The following ARL14 variants were observed in gnomAD, a reference collection of about 807,000 sequenced individuals.
The protein encoded by ARL14 is ADP-ribosylation factor-like protein 14.
ARL14 carries 3 observed loss-of-function variants against 1.1 expected under a neutral mutation model. The observed-to-expected ratio is 2.82, with a 90% CI of 1.28 to 7.28. The LOEUF is 7.28. ARL14 is among the 30% of genes most tolerant of loss of function. The pLI, the probability that ARL14 is intolerant of heterozygous loss-of-function variation, is 0.01. For synonymous variants in ARL14, 99 were observed against 84.6 expected (o/e 1.17, Z -0.93); for missense variants, 264 against 223.8 (o/e 1.18, Z -1.15).
Position 160,677,297 on chromosome 3 carries a change from G to C in ARL14, c.-50G>C. On this transcript the variant is annotated 5_prime_UTR_variant, in exon 1 of 1. Coordinates refer to ENST00000320767, the MANE Select transcript of ARL14 (RefSeq NM_025047.3). ...GTCTCTGGCCATTCGAAGAAAGAAA[G>C]AAAGAAAAAAAAAAAAGGTATTTAG... 2.0e-6 allele frequency: 3 copies of C among 1,466,298 alleles called. No individual in the cohort carries two copies. The highest frequency in any genetic ancestry group is 2.7e-6 in the Non-Finnish European group (3 of 1,096,804). The allele number at this position is 1,466,298 out of a possible 1,614,324, so 90.8% of individuals were successfully genotyped here. A position where few individuals can be genotyped will look rare whatever the true frequency, so the allele number is the denominator to read the frequency against.
Position 160,678,305 on chromosome 3 carries a change from A to G in ARL14, c.*380A>G. The stretch of plus-strand genomic sequence containing the variant: ...TTCTTCCAGATTGTTTCCAGCTGTA[A>G]CAGGTATTGAATTTCCACCGTGCTC... On this transcript the variant is annotated 3_prime_UTR_variant, in exon 1 of 1. Coordinates refer to ENST00000320767, the MANE Select transcript of ARL14 (RefSeq NM_025047.3). The G allele has an allele frequency of 5.3e-6, 1 of 188,094 alleles. No individual in the cohort carries two copies. The highest frequency in any genetic ancestry group is 1.3e-5 in the Non-Finnish European group (1 of 79,774). 11.7% of individuals were successfully genotyped at this position (188,094 alleles called of 1,614,324 possible).
Position 160,677,350 on chromosome 3 carries a change from G to C in ARL14, c.4G>C (p.Gly2Arg). Residue 2 changes from glycine (G) to arginine (R), a missense_variant, in exon 1 of 1, where the codon GGT becomes CGT. Physicochemically the swap from Gly to Arg is moderately radical, Grantham distance 125. Transcript: ENST00000320767. ...ACAGAGAGAGAAAAAGGCTGAAATG[G>C]GTTCGCTGGGTTCTAAAAATCCGCA... M[G>R]SLGSKNPQTK... 6.4e-7 allele frequency: 1 copy of C among 1,570,518 alleles called. No individual in the cohort carries two copies. Among genetic ancestry groups the C allele is most frequent in the Non-Finnish European group, 8.6e-7 (1 of 1,160,380 alleles).
rs1369474880 is a variant in ARL14 at position 160,677,784 on chromosome 3, C to T, written c.438C>T (p.Cys146=). The change falls in exon 1 of 1, where the codon TGC becomes TGT. Residue 146 remains cysteine, a synonymous_variant. Coordinates refer to ENST00000320767, the MANE Select transcript of ARL14 (RefSeq NM_025047.3). ...GAATGTTCAAAGTGAAGAAGCTTTG[C>T]AGTGACCGGAACTGGTATGTGCAAC... ...ITRMFKVKKL[C]SDRNWYVQPC... 4 of 1,614,110 alleles carry T rather than the reference C, an allele frequency of 2.5e-6. No individual in the cohort carries two copies. The highest frequency in any genetic ancestry group is 2.5e-6 in the Non-Finnish European group (3 of 1,180,000).
Position 160,678,151 on chromosome 3 carries a change from A to G in ARL14, c.*226A>G. 3 of 473,364 alleles carry G rather than the reference A, an allele frequency of 6.3e-6. No individual in the cohort carries two copies. Among genetic ancestry groups the G allele is most frequent in the South Asian group, 6.2e-5 (2 of 32,022 alleles). 29.3% of individuals were successfully genotyped at this position (473,364 alleles called of 1,614,324 possible). On this transcript the variant is annotated 3_prime_UTR_variant, in exon 1 of 1. Transcript: ENST00000320767. ...ATGATCACTGGGAATGAAAACGTAT[A>G]ATGTTCTACAATTTTTGTTATCACA...
In ARL14 at chr3:160,677,814, C is replaced by T; in HGVS notation, c.468C>T (p.Cys156=). The change falls in exon 1 of 1, where the codon TGC becomes TGT. Residue 156 remains cysteine (C), a synonymous_variant. Coordinates refer to ENST00000320767, the MANE Select transcript of ARL14 (RefSeq NM_025047.3). ...CSDRNWYVQP[C]CALTGEGLAQ... is the part of the protein sequence containing the mutation. ...ACCGGAACTGGTATGTGCAACCCTG[C>T]TGTGCCCTCACAGGGGAGGGGCTGG... The T allele has an allele frequency of 6.2e-7, 1 of 1,614,100 alleles. No homozygotes were observed. The highest frequency in any genetic ancestry group is 1.1e-5 in the South Asian group (1 of 91,064).
chr3:160,677,603 T>C lies in ARL14; in HGVS notation c.257T>C (p.Val86Ala), dbSNP rs1713274026. The C allele has an allele frequency of 1.2e-6, 2 of 1,614,026 alleles. No homozygotes were observed. Among genetic ancestry groups the C allele is most frequent in the Non-Finnish European group, 1.7e-6 (2 of 1,179,998 alleles). The change falls in exon 1 of 1, where the codon GTG becomes GCG. Residue 86 changes from valine to alanine, a missense_variant. By Grantham distance (64) the Val-to-Ala change is moderately conservative. Transcript: ENST00000320767. ...GCYCENTDGLVYVVDSTDKQR... is the reference protein window; with the variant it reads ...GCYCENTDGLAYVVDSTDKQR... Reference sequence around the variant, plus strand: ...TACTGTGAGAACACCGATGGGCTGGTGTATGTTGTGGACAGTACAGACAAA... The same window carrying C: ...TACTGTGAGAACACCGATGGGCTGGCGTATGTTGTGGACAGTACAGACAAA...
Position 160,677,798 on chromosome 3 carries a change from G to C in ARL14, c.452G>C (p.Trp151Ser), listed in dbSNP as rs747897062. ...AAGAAGCTTTGCAGTGACCGGAACTGGTATGTGCAACCCTGCTGTGCCCTC... is the reference window on the plus strand; with the variant it reads ...AAGAAGCTTTGCAGTGACCGGAACTCGTATGTGCAACCCTGCTGTGCCCTC... ...KVKKLCSDRN[W>S]YVQPCCALTG... The change falls in exon 1 of 1, where the codon TGG (tryptophan) becomes TCG (serine). Residue 151 changes from tryptophan to serine, a missense_variant. By Grantham distance (177) the Trp-to-Ser change is radical. Transcript: ENST00000320767. 9 of 1,613,988 alleles carry C rather than the reference G, an allele frequency of 5.6e-6. No homozygotes were observed. The highest frequency in any genetic ancestry group is 1.7e-5 in the Admixed American group (1 of 60,012).
rs1713299958 is a variant in ARL14 at position 160,678,301 on chromosome 3, T to C, written c.*376T>C. 1 of 188,874 alleles carries C rather than the reference T, an allele frequency of 5.3e-6. No individual in the cohort carries two copies. The allele number at this position is 188,874 out of a possible 1,614,324, so 11.7% of individuals were successfully genotyped here. A position where few individuals can be genotyped will look rare whatever the true frequency, so the allele number is the denominator to read the frequency against. On this transcript the variant is annotated 3_prime_UTR_variant, in exon 1 of 1. Transcript: ENST00000320767. ...AGAATTCTTCCAGATTGTTTCCAGC[T>C]GTAACAGGTATTGAATTTCCACCGT...
chr3:160,677,974 G>A lies in ARL14; in HGVS notation c.*49G>A. The A allele has an allele frequency of 6.7e-7, 1 of 1,489,532 alleles. No homozygotes were observed. Among genetic ancestry groups the A allele is most frequent in the African/African-American group, 1.4e-5 (1 of 71,184 alleles). 92.3% of individuals were successfully genotyped at this position (1,489,532 alleles called of 1,614,324 possible). A position where few individuals can be genotyped will look rare whatever the true frequency, so the allele number is the denominator to read the frequency against. On this transcript the variant is annotated 3_prime_UTR_variant, in exon 1 of 1. Transcript: ENST00000320767. ...ACAGAGACACTGATGAAGTTGAAAGGGTAATTGTTTTTCCATGCCAAATGA... is the reference window on the plus strand; with the variant it reads ...ACAGAGACACTGATGAAGTTGAAAGAGTAATTGTTTTTCCATGCCAAATGA...
chr3:160,678,060 T>A lies in ARL14; in HGVS notation c.*135T>A. 2.6e-6 allele frequency: 2 copies of A among 765,722 alleles called. No individual in the cohort carries two copies. Among genetic ancestry groups the A allele is most frequent in the Non-Finnish European group, 4.2e-6 (2 of 478,434 alleles). 47.4% of individuals were successfully genotyped at this position (765,722 alleles called of 1,614,324 possible). A position where few individuals can be genotyped will look rare whatever the true frequency, so the allele number is the denominator to read the frequency against. On this transcript the variant is annotated 3_prime_UTR_variant, in exon 1 of 1. Coordinates refer to ENST00000320767, the MANE Select transcript of ARL14 (RefSeq NM_025047.3). Reference sequence around the variant, plus strand: ...AGATGTTATTTCATCTACATTTAGTTAAACAACTTAGAATGATATCTAGAA... The same window carrying A: ...AGATGTTATTTCATCTACATTTAGTAAAACAACTTAGAATGATATCTAGAA...
rs751371454 is a variant in ARL14 at position 160,677,429 on chromosome 3, C to T, written c.83C>T (p.Thr28Ile). ...GGACTTGACTCAGCTGGGAAGTCTACTCTCCTTTATAAATTAAAGCTTGCT... is the reference window on the plus strand; with the variant it reads ...GGACTTGACTCAGCTGGGAAGTCTATTCTCCTTTATAAATTAAAGCTTGCT... ...LLGLDSAGKS[T>I]LLYKLKLAKD... Residue 28 changes from threonine (T) to isoleucine (I), a missense_variant, in exon 1 of 1, where the codon ACT becomes ATT. Thr to Ile is a moderately conservative substitution (Grantham distance 89). Coordinates refer to ENST00000320767, the MANE Select transcript of ARL14 (RefSeq NM_025047.3). The T allele has an allele frequency of 3.7e-6, 6 of 1,614,066 alleles. No individual in the cohort carries two copies. Among genetic ancestry groups the T allele is most frequent in the Non-Finnish European group, 5.1e-6 (6 of 1,179,960 alleles).
Position 160,677,607 on chromosome 3 carries a change from T to C in ARL14, c.261T>C (p.Tyr87=). 1 of 1,614,128 alleles carries C rather than the reference T, an allele frequency of 6.2e-7. No individual in the cohort carries two copies. The highest frequency in any genetic ancestry group is 8.5e-7 in the Non-Finnish European group (1 of 1,179,996). ...GTGAGAACACCGATGGGCTGGTGTA[T>C]GTTGTGGACAGTACAGACAAACAGC... ...CYCENTDGLV[Y]VVDSTDKQRL... Residue 87 remains tyrosine, a synonymous_variant, in exon 1 of 1, where the codon TAT becomes TAC. Coordinates refer to ENST00000320767, the MANE Select transcript of ARL14 (RefSeq NM_025047.3).
chr3:160,677,398 CT>C lies in ARL14; in HGVS notation c.56del (p.Leu19TrpfsTer15). 2 of 1,610,098 alleles carry C rather than the reference CT, an allele frequency of 1.2e-6. No homozygotes were observed. The highest frequency in any genetic ancestry group is 1.1e-5 in the South Asian group (1 of 90,472). ...NPQTKQAQVLLLGLDSAGKST... is the reference protein window; with the variant it reads ...NPQTKQAQVLXLGLDSAGKST... ...GCAAACCAAACAAGCCCAAGTTCTT[CT>C]TTTGGGACTTGACTCAGCTGGGAAG... is the stretch of plus-strand genomic sequence containing the variant. On this transcript the variant is annotated frameshift_variant, in exon 1 of 1. Transcript: ENST00000320767. LOFTEE classifies it low-confidence loss of function (END_TRUNC).
Position 160,677,809 on chromosome 3 carries a change from C to A in ARL14, c.463C>A (p.Pro155Thr), listed in dbSNP as rs201785407. ...LCSDRNWYVQ[P>T]CCALTGEGLA... ...CAGTGACCGGAACTGGTATGTGCAA[C>A]CCTGCTGTGCCCTCACAGGGGAGGG... The change falls in exon 1 of 1, where the codon CCC becomes ACC. Residue 155 changes from proline (P) to threonine (T), a missense_variant. Physicochemically the swap from Pro to Thr is conservative, Grantham distance 38 (BLOSUM62 -1). Coordinates refer to ENST00000320767, the MANE Select transcript of ARL14 (RefSeq NM_025047.3). 7.4e-6 allele frequency: 12 copies of A among 1,613,966 alleles called. No homozygotes were observed. Among genetic ancestry groups the A allele is most frequent in the Non-Finnish European group, 7.6e-6 (9 of 1,180,020 alleles).
Position 160,677,736 on chromosome 3 carries a change from T to G in ARL14, c.390T>G (p.Ala130=). The G allele has an allele frequency of 1.2e-6, 2 of 1,614,062 alleles. No homozygotes were observed. The highest frequency in any genetic ancestry group is 1.7e-6 in the Non-Finnish European group (2 of 1,180,018). ...CCAACAAACAAGACATGCCTGGAGC[T>G]CTGACTGCTGAGGACATCACCAGAA... is the stretch of plus-strand genomic sequence containing the variant. ...LLANKQDMPG[A]LTAEDITRMF... The change falls in exon 1 of 1, where the codon GCT becomes GCG. Residue 130 remains alanine (A), a synonymous_variant. Transcript: ENST00000320767.
At position 160,678,198 on chromosome 3, in the gene ARL14, A is replaced by T. The variant is rs778348942; in HGVS notation, c.*273A>T. 17 of 339,958 alleles carry T rather than the reference A, an allele frequency of 5.0e-5. No individual in the cohort carries two copies. The highest frequency in any genetic ancestry group is 5.7e-5 in the Non-Finnish European group (10 of 173,940). The allele number at this position is 339,958 out of a possible 1,614,324, so 21.1% of individuals were successfully genotyped here. A position where few individuals can be genotyped will look rare whatever the true frequency, so the allele number is the denominator to read the frequency against. On this transcript the variant is annotated 3_prime_UTR_variant, in exon 1 of 1. Transcript: ENST00000320767. ...CACATTGGATGACTTTGAATATAGT[A>T]GTGACACTTGGGACCAAATAAATTA...
At position 160,677,338 on chromosome 3, in the gene ARL14, A is replaced by G. The variant is rs772977295; in HGVS notation, c.-9A>G. ...AGGTATTTAGAGACAGAGAGAGAAAAAGGCTGAAATGGGTTCGCTGGGTTC... is the reference window on the plus strand; with the variant it reads ...AGGTATTTAGAGACAGAGAGAGAAAGAGGCTGAAATGGGTTCGCTGGGTTC... On this transcript the variant is annotated 5_prime_UTR_variant, in exon 1 of 1. Coordinates refer to ENST00000320767, the MANE Select transcript of ARL14 (RefSeq NM_025047.3). 1 of 1,545,152 alleles carries G rather than the reference A, an allele frequency of 6.5e-7. No individual in the cohort carries two copies. The highest frequency in any genetic ancestry group is 8.7e-7 in the Non-Finnish European group (1 of 1,149,156).
In ARL14 at chr3:160,677,357, T is replaced by C. The variant is rs760863756; in HGVS notation, c.11T>C (p.Leu4Pro). 2.5e-6 allele frequency: 4 copies of C among 1,580,646 alleles called. No homozygotes were observed. The East Asian group carries it at 9.0e-5, about 36-fold the overall frequency. ...GAGAAAAAGGCTGAAATGGGTTCGCTGGGTTCTAAAAATCCGCAAACCAAA... is the reference window on the plus strand; with the variant it reads ...GAGAAAAAGGCTGAAATGGGTTCGCCGGGTTCTAAAAATCCGCAAACCAAA... MGS[L>P]GSKNPQTKQA... The change falls in exon 1 of 1, where the codon CTG becomes CCG. Residue 4 changes from leucine (L) to proline (P), a missense_variant. Transcript: ENST00000320767.
In ARL14 at chr3:160,677,831, A is replaced by G. The variant is rs2108025577; in HGVS notation, c.485A>G (p.Glu162Gly). ...YVQPCCALTG[E>G]GLAQGFRKLT... ...CAACCCTGCTGTGCCCTCACAGGGG[A>G]GGGGCTGGCCCAGGGGTTCAGGAAA... Residue 162 changes from glutamate to glycine, a missense_variant, in exon 1 of 1, where the codon GAG becomes GGG. Physicochemically the swap from Glu to Gly is moderately conservative, Grantham distance 98. Coordinates refer to ENST00000320767, the MANE Select transcript of ARL14 (RefSeq NM_025047.3). 6.2e-7 allele frequency: 1 copy of G among 1,614,042 alleles called. No individual in the cohort carries two copies. Among genetic ancestry groups the G allele is most frequent in the South Asian group, 1.1e-5 (1 of 91,070 alleles).
Sources: gnomAD v4.1 joint callset for allele counts on GRCh38, gnomAD v4.1.1 for gene constraint, MANE v1.5 for transcripts, NCBI Gene and HGNC (gene_info 2026-07-23, HGNC 2026-07-21) for gene names.